Variants in WWOX observed in about 807,000 individuals in gnomAD.
WWOX encodes the protein WW domain-containing oxidoreductase.
A neutral mutation model predicts 46.2 loss-of-function variants in WWOX; 69 were observed. The ratio of observed to expected loss-of-function variants is 1.49; its 90% confidence interval spans 1.23 to 1.82. WWOX has a LOEUF of 1.82. Ranked by LOEUF, WWOX falls within the 40% of genes most tolerant of loss-of-function variation. WWOX has a pLI of 0.00. For missense variants in WWOX, 919 were observed against 542.6 expected (o/e 1.69, Z -6.89); for synonymous variants, 359 against 202.6 (o/e 1.77, Z -6.56).
chr16:78,779,674 G>A (rs11859819), intron 8 of WWOX, among the ~76,000 whole-genome samples: 4,555 of 152,268 alleles, frequency 0.03, 239 homozygotes, highest in African/African-American at 0.1. Flanking sequence ...CTGCTGATCA[G>A]TGATGCGACT....
At chr16:78,267,240 C>G (rs569401344) in intron 5 of WWOX, 1 of 152,102 alleles carries the variant, frequency 6.6e-6, no homozygotes, top group Non-Finnish European at 1.5e-5. Context: ...CCCACACACA[C>G]GTAATTTTTG....
At chr16:78,825,598 A>C (rs1367229777) in intron 8 of WWOX, 4 of 531,178 alleles carry the variant, frequency 7.5e-6, no homozygotes, top group African/African-American at 1.9e-5. Context: ...CTGCAGTACA[A>C]ACTCCTAGGA....
chr16:78,171,235 T>G (rs1222210896), intron 5 of WWOX, among the ~76,000 whole-genome samples: 1 of 152,198 alleles, frequency 6.6e-6, no homozygotes, highest in Non-Finnish European at 1.5e-5. Flanking sequence ...TGTGTTTTCA[T>G]GGCATGATAT....
At chr16:78,618,127 G>A (rs1282297385) in intron 8 of WWOX, among the ~76,000 whole-genome samples, 2 of 152,166 alleles carry the variant, frequency 1.3e-5, no homozygotes, top group Admixed American at 1.3e-4. Flanking sequence ...CGCAAGGCTT[G>A]GAGGCAGGAA....
chr16:78,706,037 C>G (rs1443024050), intron 8 of WWOX, among the ~76,000 whole-genome samples: 1 of 144,234 alleles, frequency 6.9e-6, no homozygotes, highest in Non-Finnish European at 1.5e-5. Flanking sequence ...CATACTTTGT[C>G]TCCAGTCAGA....
intron 4 of WWOX, chr16:78,129,919 G>A (rs531362028): frequency 2.0e-5 from 3 of 152,242 alleles, no homozygotes; most frequent in Admixed American, 1.3e-4. Context: ...TTGAACTATA[G>A]TTCCCATGAT....
At chr16:78,507,640 T>C (rs566747349) in intron 8 of WWOX, among the ~76,000 whole-genome samples, 7 of 152,254 alleles carry the variant, frequency 4.6e-5, no homozygotes, top group Non-Finnish European at 7.4e-5. Context: ...CTTTGAGAAA[T>C]GCCTTGGTCC....
chr16:78,581,730 C>A (rs2045060154), intron 8 of WWOX, among the ~76,000 whole-genome samples: 1 of 152,120 alleles, frequency 6.6e-6, no homozygotes, highest in Non-Finnish European at 1.5e-5. Flanking sequence ...GGTTATTTGT[C>A]AGGAAAATTA....
chr16:78,904,278 C>T (rs1276621458), intron 8 of WWOX, among the ~76,000 whole-genome samples: 2 of 136,458 alleles, frequency 1.5e-5, no homozygotes, highest in East Asian at 2.2e-4. Flanking sequence ...CTCACTCTGT[C>T]GCCAGGCTGG....
intron 8 of WWOX, among the ~76,000 whole-genome samples, chr16:78,578,189 C>T (rs1332717119): frequency 1.4e-5 from 2 of 138,102 alleles, no homozygotes; most frequent in African/African-American, 5.3e-5. Context: ...TAATCTCATA[C>T]CACTGGATTA....
At chr16:79,048,702 C>G (rs1048653068) in intron 8 of WWOX, among the ~76,000 whole-genome samples, 2 of 152,228 alleles carry the variant, frequency 1.3e-5, no homozygotes, top group East Asian at 3.9e-4. Flanking sequence ...CTTATTTCTT[C>G]AAACTTTCAA....
At chr16:78,538,351 A>G (rs1189963730) in intron 8 of WWOX, among the ~76,000 whole-genome samples, 1 of 151,840 alleles carries the variant, frequency 6.6e-6, no homozygotes, top group Admixed American at 6.6e-5. Context: ...CCAGCGCTCT[A>G]TACATTGACG....
chr16:78,699,042 C>T lies in WWOX; in HGVS notation c.1056+266290C>T, dbSNP rs563210983. Among the ~76,000 whole-genome samples, 12 of 152,266 alleles carry T rather than the reference C, an allele frequency of 7.9e-5. No individual in the cohort carries two copies. The East Asian group carries it at 2.3e-3, about 29-fold the overall frequency. On this transcript the variant is annotated intron_variant, in intron 8 of 8. Transcript: ENST00000566780. ...ATAAAATGCCAGATAGTGTTTCTAG[C>T]TTTGCAGTTCAGATGGTGTGTGTTA...
intron 5 of WWOX, among the ~76,000 whole-genome samples, chr16:78,246,306 G>T (rs1016245686): frequency 1.3e-5 from 2 of 152,190 alleles, no homozygotes; most frequent in Non-Finnish European, 2.9e-5. Context: ...AACCCAGTTT[G>T]CCAGGTCCTA....
At chr16:78,469,728 T>C (rs1232668677) in intron 8 of WWOX, among the ~76,000 whole-genome samples, 3 of 152,324 alleles carry the variant, frequency 2.0e-5, no homozygotes, top group Non-Finnish European at 4.4e-5. Flanking sequence ...GTGTTTTTTT[T>C]CCTCTCATTT....
chr16:78,618,977 C>A (rs947997564), intron 8 of WWOX, among the ~76,000 whole-genome samples: 20 of 149,516 alleles, frequency 1.3e-4, no homozygotes, highest in African/African-American at 4.4e-4. Context: ...ACTGAAATTT[C>A]TGGGCAAAGT....
intron 8 of WWOX, among the ~76,000 whole-genome samples, chr16:78,718,348 T>TA (rs879615718): frequency 3.3e-5 from 5 of 151,574 alleles, no homozygotes; most frequent in Admixed American, 3.3e-4. Flanking sequence ...CAAAAAAATT[T>TA]AAAAAAACGA....
chr16:78,528,784 C>T (rs1318920519), intron 8 of WWOX, among the ~76,000 whole-genome samples: 3 of 152,182 alleles, frequency 2.0e-5, no homozygotes, highest in Admixed American at 1.3e-4. Context: ...ATTTGTTTTT[C>T]AGTGGCTGGT....
intron 8 of WWOX, among the ~76,000 whole-genome samples, chr16:79,001,380 G>A (rs1454885967): frequency 6.6e-6 from 1 of 152,106 alleles, no homozygotes; most frequent in African/African-American, 2.4e-5. Flanking sequence ...TTCTTCTGGT[G>A]GAGCGAAGGA....
Sources: allele counts gnomAD v4.1 joint callset (sites outside exome capture counted in the v4.1 genomes callset), GRCh38; gene constraint gnomAD v4.1.1; transcripts MANE v1.5; gene names NCBI Gene and HGNC (gene_info 2026-07-23, HGNC 2026-07-21).